The following TMEM132C variants were observed in gnomAD, a reference collection of about 807,000 sequenced individuals.
TMEM132C encodes the protein transmembrane protein 132C.
TMEM132C carries 29 observed loss-of-function variants against 61.4 expected under a neutral mutation model. The observed-to-expected ratio is 0.47, with a 90% CI of 0.35 to 0.64. The LOEUF (loss-of-function observed/expected upper bound fraction) is 0.64, where lower values mean the gene tolerates loss of function less well. Ranked by LOEUF, TMEM132C falls within the 30% of genes least tolerant of loss-of-function variation. The pLI, the probability that TMEM132C is intolerant of heterozygous loss-of-function variation, is 0.00. For synonymous variants in TMEM132C, 656 were observed against 633.1 expected (o/e 1.04, Z -0.54); for missense variants, 1,408 against 1,476.9 (o/e 0.95, Z 0.76).
intron 5 of TMEM132C, among the ~76,000 whole-genome samples, chr12:128,679,008 C>T (rs1226527143): frequency 6.6e-6 from 1 of 152,212 alleles, no homozygotes. Flanking sequence ...TTGGGGAAGT[C>T]AACCTCTCTG....
At chr12:128,577,675 C>T (rs1330858899) in intron 3 of TMEM132C, among the ~76,000 whole-genome samples, 1 of 152,238 alleles carries the variant, frequency 6.6e-6, no homozygotes, top group Non-Finnish European at 1.5e-5. Context: ...CCAGCCTTGC[C>T]CTCCTGAAGT....
At chr12:128,376,124 A>G (rs561595849) in intron 1 of TMEM132C, among the ~76,000 whole-genome samples, 1 of 152,338 alleles carries the variant, frequency 6.6e-6, no homozygotes, top group Admixed American at 6.5e-5. Flanking sequence ...GCTGTTAATC[A>G]TCAGGAAGCT....
intron 1 of TMEM132C, among the ~76,000 whole-genome samples, chr12:128,363,766 A>G (rs1447406924): frequency 6.7e-6 from 1 of 148,888 alleles, no homozygotes; most frequent in Non-Finnish European, 1.5e-5. Context: ...AATAACTCGA[A>G]CCCAGAAGGC....
intron 1 of TMEM132C, among the ~76,000 whole-genome samples, chr12:128,282,063 C>G (rs1295796083): frequency 6.6e-6 from 1 of 152,144 alleles, no homozygotes; most frequent in Non-Finnish European, 1.5e-5. Flanking sequence ...TATGTTTAAA[C>G]AAGCTCAAAC....
At chr12:128,366,213 A>G (rs1873864727) in intron 1 of TMEM132C, among the ~76,000 whole-genome samples, 1 of 152,168 alleles carries the variant, frequency 6.6e-6, no homozygotes, top group South Asian at 2.1e-4. Context: ...TCCCAGCGAC[A>G]GACTCCAGAC....
intron 2 of TMEM132C, among the ~76,000 whole-genome samples, chr12:128,464,928 C>T (rs1188559561): frequency 6.6e-6 from 1 of 152,060 alleles, no homozygotes; most frequent in Non-Finnish European, 1.5e-5. Context: ...GGTGTACATG[C>T]CAGTGAGTGA....
intron 3 of TMEM132C, among the ~76,000 whole-genome samples, chr12:128,612,209 G>A (rs1049511154): frequency 1.3e-5 from 2 of 152,032 alleles, no homozygotes; most frequent in African/African-American, 4.8e-5. Context: ...ACATTCCCAG[G>A]GTCCAGGTGG....
intron 2 of TMEM132C, among the ~76,000 whole-genome samples, chr12:128,514,247 T>A (rs1433097498): frequency 2.6e-5 from 4 of 152,224 alleles, no homozygotes; most frequent in African/African-American, 9.6e-5. Flanking sequence ...CTCAAAGCAG[T>A]AAGCTTGGAG....
At chr12:128,664,073 T>C (rs1159588398) in intron 4 of TMEM132C, among the ~76,000 whole-genome samples, 42 of 64,612 alleles carry the variant, frequency 6.5e-4, no homozygotes, top group African/African-American at 2.5e-3. Flanking sequence ...CACACACACA[T>C]ACAGGCACAA....
chr12:128,459,944 T>C (rs1049117786), intron 2 of TMEM132C, among the ~76,000 whole-genome samples: 1 of 151,604 alleles, frequency 6.6e-6, no homozygotes, highest in Non-Finnish European at 1.5e-5. Flanking sequence ...TGAGATTCTC[T>C]TGGCACCTCC....
intron 4 of TMEM132C, among the ~76,000 whole-genome samples, chr12:128,656,739 C>T (rs1295461769): frequency 8.5e-5 from 13 of 152,220 alleles, no homozygotes; most frequent in South Asian, 2.1e-4. Context: ...TGTTTGAACC[C>T]AGTCACATGG....
At chr12:128,546,369 C>T (rs1873951320) in intron 3 of TMEM132C, among the ~76,000 whole-genome samples, 1 of 152,146 alleles carries the variant, frequency 6.6e-6, no homozygotes, top group Non-Finnish European at 1.5e-5. Flanking sequence ...TAGCAGGTGG[C>T]AAAGTTATGT....
chr12:128,685,498 G>A (rs1441123424), intron 5 of TMEM132C, among the ~76,000 whole-genome samples: 1 of 152,184 alleles, frequency 6.6e-6, no homozygotes, highest in Non-Finnish European at 1.5e-5. Context: ...CTGAGAGATT[G>A]TATTAATAGC....
chr12:128,464,068 G>T (rs1356966555), intron 2 of TMEM132C, among the ~76,000 whole-genome samples: 1 of 152,064 alleles, frequency 6.6e-6, no homozygotes, highest in Non-Finnish European at 1.5e-5. Flanking sequence ...TTAGTGATTG[G>T]CCAACAGTGT....
intron 1 of TMEM132C, among the ~76,000 whole-genome samples, chr12:128,345,007 C>G (rs1410168301): frequency 6.6e-6 from 1 of 151,276 alleles, no homozygotes; most frequent in Non-Finnish European, 1.5e-5. Flanking sequence ...ATCCCATCAC[C>G]CAGGTATTAA....
At chr12:128,287,415 A>G (rs1871108131) in intron 1 of TMEM132C, among the ~76,000 whole-genome samples, 1 of 152,194 alleles carries the variant, frequency 6.6e-6, no homozygotes, top group Non-Finnish European at 1.5e-5. Context: ...AACATTTACC[A>G]GGTTTGTTTA....
chr12:128,468,428 C>T (rs1439600469), intron 2 of TMEM132C, among the ~76,000 whole-genome samples: 1 of 152,142 alleles, frequency 6.6e-6, no homozygotes, highest in Non-Finnish European at 1.5e-5. Context: ...AGCGATTCTT[C>T]TGCCTCAGCC....
intron 2 of TMEM132C, among the ~76,000 whole-genome samples, chr12:128,418,284 C>T (rs1319855329): frequency 1.3e-5 from 2 of 152,136 alleles, no homozygotes; most frequent in Non-Finnish European, 2.9e-5. Flanking sequence ...TCTGAAGACC[C>T]GTCTTGGAGG....
chr12:128,664,536 G>T (rs1954437249), intron 4 of TMEM132C, among the ~76,000 whole-genome samples: 1 of 152,226 alleles, frequency 6.6e-6, no homozygotes, highest in Non-Finnish European at 1.5e-5. Flanking sequence ...CCAAGTCATA[G>T]TTATGCCTTT....
Sources: allele counts gnomAD v4.1 joint callset (sites outside exome capture counted in the v4.1 genomes callset), GRCh38; gene constraint gnomAD v4.1.1; transcripts MANE v1.5; gene names NCBI Gene and HGNC (gene_info 2026-07-23, HGNC 2026-07-21).